The following FLT1 variants were observed in gnomAD, a reference collection of about 807,000 sequenced individuals.
FLT1 encodes the protein vascular endothelial growth factor receptor 1.
Under a neutral mutation model 156.3 loss-of-function variants are expected in FLT1, and 49 were observed. The ratio of observed to expected loss-of-function variants is 0.31; its 90% CI spans 0.25 to 0.40. The LOEUF (loss-of-function observed/expected upper bound fraction) is 0.40. Among genes scored for constraint, FLT1 ranks in the 10% least tolerant of loss-of-function variants. The probability of loss-of-function intolerance (pLI) is 1.00; values close to 1 mark genes in which losing one functional copy is unlikely to be tolerated. For missense variants in FLT1, 1,322 were observed against 1,637.2 expected (o/e 0.81, Z 3.32); for synonymous variants, 594 against 583.8 (o/e 1.02, Z -0.25).
intron 3 of FLT1, among the ~76,000 whole-genome samples, chr13:28,438,964 A>G (rs894733213): frequency 6.6e-6 from 1 of 152,210 alleles, no homozygotes; most frequent in South Asian, 2.1e-4. Flanking sequence ...CATTTATTTC[A>G]TATGTATATT....
intron 20 of FLT1, 101 bp downstream of exon 20, chr13:28,327,360 AT>A (rs1207060299): frequency 1.3e-6 from 1 of 765,800 alleles, no homozygotes; most frequent in African/African-American, 1.7e-5. Context: ...TTTAAGTTTA[AT>A]CATTAACAAC....
At chr13:28,413,439 C>T (rs1485320594) in intron 10 of FLT1, among the ~76,000 whole-genome samples, 1 of 151,006 alleles carries the variant, frequency 6.6e-6, no homozygotes, top group East Asian at 2.0e-4. Flanking sequence ...TTTCCAGGGC[C>T]AGGGGATCCT....
At chr13:28,444,208 A>T (rs1235698150) in intron 3 of FLT1, among the ~76,000 whole-genome samples, 1 of 152,096 alleles carries the variant, frequency 6.6e-6, no homozygotes, top group African/African-American at 2.4e-5. Flanking sequence ...TTGGGAGGCC[A>T]AGGCAGGTGG....
intron 29 of FLT1, among the ~76,000 whole-genome samples, chr13:28,303,840 C>A (rs1292260537): frequency 6.6e-6 from 1 of 152,114 alleles, no homozygotes; most frequent in African/African-American, 2.4e-5. Context: ...TTACAACAGT[C>A]TCAAAAAACA....
At chr13:28,356,746 G>A (rs1011703387) in intron 15 of FLT1, among the ~76,000 whole-genome samples, 3 of 152,188 alleles carry the variant, frequency 2.0e-5, no homozygotes, top group Admixed American at 6.5e-5. Context: ...TTTGGAAATA[G>A]GCTACTGAAC....
rs573795480 is a variant in FLT1 at position 28,491,009 on chromosome 13, A to G, written c.64+3771T>C. 1.4e-4 allele frequency among the ~76,000 whole-genome samples: 21 copies of G among 152,312 alleles called. No homozygotes were observed. The South Asian group carries it at 4.1e-3, about 30-fold the overall frequency. ...CCACATACACATATCAGTTTAAAGC[A>G]CTACAGAAGCTACTTACTCTGTTAT... On this transcript the variant is annotated intron_variant, in intron 1 of 29. Coordinates refer to ENST00000282397, the MANE Select transcript of FLT1 (RefSeq NM_002019.4).
rs1174740104 is a variant in FLT1, at chr13:28,322,579, A to G, written c.2953+211T>C. 1 of 727,192 alleles carries G rather than the reference A, an allele frequency of 1.4e-6. No homozygotes were observed. Among genetic ancestry groups the G allele is most frequent in the Non-Finnish European group, 2.4e-6 (1 of 410,390 alleles). The allele number at this position is 727,192 out of a possible 1,614,324, so 45.0% of individuals were successfully genotyped here. A position where few individuals can be genotyped will look rare whatever the true frequency, so the allele number is the denominator to read the frequency against. On this transcript the variant is annotated intron_variant, in intron 21 of 29. Coordinates refer to ENST00000282397, the MANE Select transcript of FLT1 (RefSeq NM_002019.4). This position sits in a 1 kb window ranked among gnomAD's most constrained non-coding sequence, Gnocchi z 4.3. ...GGCAGGGGGATGATCCATTAAGATG[A>G]AAATCCCTGAGGGGAGAAAACGGTA...
chr13:28,386,387 A>T, intron 13 of FLT1: 1 of 1,022,974 alleles, frequency 9.8e-7, no homozygotes, highest in Non-Finnish European at 1.2e-6. Context: ...TGTTAGGAGA[A>T]ACAGATTTCT....
intron 13 of FLT1, chr13:28,388,231 C>T (rs1874485841): frequency 1.9e-6 from 2 of 1,057,126 alleles, no homozygotes; most frequent in African/African-American, 3.3e-5. Flanking sequence ...GCATTTGGGG[C>T]TCCATAAAAC....
At chr13:28,442,350 G>T (rs1878375332) in intron 3 of FLT1, among the ~76,000 whole-genome samples, 1 of 152,076 alleles carries the variant, frequency 6.6e-6, no homozygotes, top group Admixed American at 6.6e-5. Context: ...TTCAACAAAG[G>T]ACACTGGCAC....
chr13:28,377,436 TC>T (rs1314462468), intron 14 of FLT1, among the ~76,000 whole-genome samples: 1 of 144,794 alleles, frequency 6.9e-6, no homozygotes, highest in East Asian at 1.9e-4. Flanking sequence ...ATAGAATTTT[TC>T]TGATTGCCCA....
At position 28,439,472 on chromosome 13, in the gene FLT1, C is replaced by A. The variant is rs1391318139; in HGVS notation, c.389-1127G>T. 6.6e-6 allele frequency among the ~76,000 whole-genome samples: 1 copy of A among 152,112 alleles called. No individual in the cohort carries two copies. Among genetic ancestry groups the A allele is most frequent in the Admixed American group, 6.6e-5 (1 of 15,264 alleles). On this transcript the variant is annotated intron_variant, in intron 3 of 29. Coordinates refer to ENST00000282397, the MANE Select transcript of FLT1 (RefSeq NM_002019.4). This position sits in a 1 kb window ranked among gnomAD's most constrained non-coding sequence, Gnocchi z 4.1. ...AAAGCAGTAAGCAGGCAATGGTTGC[C>A]CAGACTAGATGGTGGCTACAGTGAT...
At chr13:28,352,783 G>A (rs1322204548) in intron 15 of FLT1, among the ~76,000 whole-genome samples, 2 of 152,192 alleles carry the variant, frequency 1.3e-5, no homozygotes, top group Admixed American at 1.3e-4. Flanking sequence ...ATGCGAATTA[G>A]TTTATCACAT....
intron 14 of FLT1, among the ~76,000 whole-genome samples, chr13:28,374,643 C>A (rs1473451207): frequency 3.3e-5 from 5 of 151,746 alleles, no homozygotes; most frequent in Non-Finnish European, 5.9e-5. Flanking sequence ...TCCCGAGTAG[C>A]TGCGACTACA....
intron 28 of FLT1, 92 bp from the exon 29 acceptor site, chr13:28,306,864 T>C (rs1007467391): frequency 8.4e-6 from 7 of 833,002 alleles, no homozygotes; most frequent in Middle Eastern, 4.4e-4. Context: ...CATCTGTTGA[T>C]CCAGGCTCTG....
chr13:28,463,772 C>A (rs929539070), intron 3 of FLT1, among the ~76,000 whole-genome samples: 1 of 152,034 alleles, frequency 6.6e-6, no homozygotes, highest in Non-Finnish European at 1.5e-5. Context: ...ACAATGGAAG[C>A]AGAAGATCAA....
At chr13:28,333,149 C>T (rs1452093494) in intron 18 of FLT1, among the ~76,000 whole-genome samples, 1 of 152,156 alleles carries the variant, frequency 6.6e-6, no homozygotes, top group African/African-American at 2.4e-5. Flanking sequence ...TTTGACGTCT[C>T]CCTAAGCAAA....
rs1566273937 is a variant in FLT1, at chr13:28,300,556, C to CACACAT, written c.*2610_*2611insATGTGT. 1 of 217,632 alleles carries CACACAT rather than the reference C, an allele frequency of 4.6e-6. No individual in the cohort carries two copies. Among genetic ancestry groups the CACACAT allele is most frequent in the African/African-American group, 2.4e-5 (1 of 40,966 alleles). The allele number at this position is 217,632 out of a possible 1,614,324, so 13.5% of individuals were successfully genotyped here. A position where few individuals can be genotyped will look rare whatever the true frequency, so the allele number is the denominator to read the frequency against. ...ACACACACACACACACACACACACA[C>CACACAT]ATACAGTTACACCACTGTCGGCCAA... On this transcript the variant is annotated 3_prime_UTR_variant, in exon 30 of 30. Transcript: ENST00000282397.
chr13:28,309,749 T>A (rs1316342045), intron 27 of FLT1, among the ~76,000 whole-genome samples: 1 of 139,742 alleles, frequency 7.2e-6, no homozygotes, highest in Non-Finnish European at 1.5e-5. Flanking sequence ...TGATGACACA[T>A]CTGCTTCAGC....
Sources: allele counts gnomAD v4.1 joint callset (sites outside exome capture counted in the v4.1 genomes callset), GRCh38; gene constraint gnomAD v4.1.1; non-coding constraint Gnocchi (gnomAD v3.1); transcripts MANE v1.5; gene names NCBI Gene and HGNC (gene_info 2026-07-23, HGNC 2026-07-21).